ANKDD1A: variants seen among roughly 807,000 people sequenced by gnomAD.
ANKDD1A encodes the protein ankyrin repeat and death domain containing 1A, also known as ankyrin repeat and death domain-containing protein 1A.
ANKDD1A carries 59 observed loss-of-function variants against 63.5 expected under a neutral mutation model. The ratio of observed to expected loss-of-function variants is 0.93; its 90% CI spans 0.75 to 1.15. The LOEUF (loss-of-function observed/expected upper bound fraction) is 1.15. ANKDD1A is among the 50% of genes most tolerant of loss of function. ANKDD1A has a pLI of 0.00. For synonymous variants in ANKDD1A, 266 were observed against 263.9 expected (o/e 1.01, Z -0.08); for missense variants, 632 against 656.4 (o/e 0.96, Z 0.41).
chr15:64,951,773 CT>C (rs2085286839), intron 14 of ANKDD1A, among the ~76,000 whole-genome samples: 1 of 125,744 alleles, frequency 8.0e-6, no homozygotes. Flanking sequence ...TTTTCTTCTT[CT>C]TTCCTTTCTT....
At chr15:64,952,716 TTC>T (rs554498623) in intron 14 of ANKDD1A, among the ~76,000 whole-genome samples, 4 of 140,914 alleles carry the variant, frequency 2.8e-5, no homozygotes, top group South Asian at 2.1e-4. Context: ...TTCTCCTTTC[TTC>T]TTTCTTCTTC....
intron 3 of ANKDD1A, among the ~76,000 whole-genome samples, chr15:64,920,214 C>T (rs1338498813): frequency 6.6e-6 from 1 of 152,120 alleles, no homozygotes; most frequent in South Asian, 2.1e-4. Flanking sequence ...CCTGGGGTTG[C>T]TCTTCACAGA....
intron 14 of ANKDD1A, among the ~76,000 whole-genome samples, chr15:64,954,177 T>C (rs1378876215): frequency 1.5e-5 from 1 of 65,056 alleles, no homozygotes; most frequent in African/African-American, 3.2e-5. Context: ...TTTCTTTTCT[T>C]CTTCTTCTCC....
intron 3 of ANKDD1A, 66 bp downstream of exon 3, chr15:64,917,580 G>C: frequency 6.6e-7 from 1 of 1,510,174 alleles, no homozygotes; most frequent in South Asian, 1.2e-5. Context: ...CTGGGTCTAT[G>C]AGCCAGTTGC....
chr15:64,953,262 T>C (rs1031155776), intron 14 of ANKDD1A, among the ~76,000 whole-genome samples: 11 of 150,750 alleles, frequency 7.3e-5, no homozygotes, highest in African/African-American at 2.4e-4. Context: ...TTCTTCTTCT[T>C]AGTTCTTCCT....
In ANKDD1A at chr15:64,942,562, C is replaced by T. The variant is rs1475187188; in HGVS notation, c.963C>T (p.Asp321=). ...CCGACAGTGACGTGAATGCCGTGGA[C>T]AATGTAAGTGGCTACAGAGACCTTC... ...INSDSDVNAV[D]NRQQTPLHLA... Residue 321 remains aspartate, a synonymous_variant, in exon 10 of 15, where the codon GAC becomes GAT. Transcript: ENST00000319580. The T allele has an allele frequency of 4.3e-6, 7 of 1,612,180 alleles. No homozygotes were observed. Among genetic ancestry groups the T allele is most frequent in the Non-Finnish European group, 5.9e-6 (7 of 1,178,952 alleles).
chr15:64,953,071 TTC>T (rs901050301), intron 14 of ANKDD1A, among the ~76,000 whole-genome samples: 2 of 147,334 alleles, frequency 1.4e-5, no homozygotes, highest in East Asian at 4.0e-4. Context: ...TCCTCTTTCC[TTC>T]TTTCTTCTTC....
chr15:64,920,286 AGGGACTCTG>A (rs1201434327), intron 3 of ANKDD1A, among the ~76,000 whole-genome samples: 2 of 152,144 alleles, frequency 1.3e-5, no homozygotes, highest in Non-Finnish European at 2.9e-5. Flanking sequence ...AGGTCAGTGA[AGGGACTCTG>A]GGGACCCTGG....
In ANKDD1A at chr15:64,938,554, T is replaced by C. The variant is rs539067642; in HGVS notation, c.868-3913T>C. 5.3e-5 allele frequency among the ~76,000 whole-genome samples: 8 copies of C among 152,128 alleles called. 1 individual carries two copies. The highest frequency in any genetic ancestry group is 1.7e-4 in the African/African-American group (7 of 41,492). On this transcript the variant is annotated intron_variant, in intron 9 of 14. Coordinates refer to ENST00000319580, the MANE Select transcript of ANKDD1A (RefSeq NM_182703.6). ...AAAATGTCAAGGTCATGAAAAACAA[T>C]GAAAGTCTGAGAAACCAGCACAGCC...
At position 64,920,284 on chromosome 15, in the gene ANKDD1A, G is replaced by A. The variant is rs576553413; in HGVS notation, c.268-1637G>A. Among the ~76,000 whole-genome samples, 47 of 152,284 alleles carry A rather than the reference G, an allele frequency of 3.1e-4. 1 individual carries two copies. The highest frequency in any genetic ancestry group is 6.8e-3 in the Middle Eastern group (2 of 294). On this transcript the variant is annotated intron_variant, in intron 3 of 14. Transcript: ENST00000319580. ...GAACCCTACTGCAGTGGAGGTCAGT[G>A]AAGGGACTCTGGGGACCCTGGAGCA...
intron 9 of ANKDD1A, among the ~76,000 whole-genome samples, chr15:64,938,651 A>T (rs1330205561): frequency 6.6e-6 from 1 of 152,206 alleles, no homozygotes; most frequent in Non-Finnish European, 1.5e-5. Context: ...AACAGAAAGG[A>T]TATTCGGTAG....
intron 14 of ANKDD1A, among the ~76,000 whole-genome samples, chr15:64,951,587 T>TC (rs2085279119): frequency 4.5e-4 from 46 of 101,194 alleles, no homozygotes; most frequent in African/African-American, 6.6e-4. Context: ...TTCTTCTTCC[T>TC]TTTCTTTCTT....
chr15:64,951,717 C>CG, intron 14 of ANKDD1A, among the ~76,000 whole-genome samples: 1 of 68,000 alleles, frequency 1.5e-5, no homozygotes, highest in Non-Finnish European at 3.3e-5. Context: ...TTTTCTTTTT[C>CG]TTCCCTTTTC....
At chr15:64,953,568 T>TCTC (rs2085347439) in intron 14 of ANKDD1A, among the ~76,000 whole-genome samples, 4 of 145,250 alleles carry the variant, frequency 2.8e-5, no homozygotes, top group Admixed American at 2.0e-4. Context: ...TCTTCCTCCT[T>TCTC]CTTCTTAGTT....
intron 14 of ANKDD1A, among the ~76,000 whole-genome samples, chr15:64,956,557 C>A (rs2085418709): frequency 2.2e-5 from 1 of 45,764 alleles, no homozygotes; most frequent in African/African-American, 4.9e-5. Context: ...TGTCTCAAAA[C>A]AAACAAACAA....
chr15:64,953,654 T>TTCC (rs2140391287), intron 14 of ANKDD1A, among the ~76,000 whole-genome samples: 1 of 18,020 alleles, frequency 5.5e-5, no homozygotes, highest in African/African-American at 8.2e-5. Flanking sequence ...TTCCTTCTCC[T>TTCC]TCTTTTCTTT....
chr15:64,942,965 C>A (rs550859642), intron 10 of ANKDD1A, among the ~76,000 whole-genome samples: 11 of 152,310 alleles, frequency 7.2e-5, no homozygotes, highest in Admixed American at 1.3e-4. Context: ...CCACAATCTA[C>A]CCACCAACCA....
intron 4 of ANKDD1A, among the ~76,000 whole-genome samples, chr15:64,924,587 T>A (rs11630459): frequency 0.27 from 41,128 of 152,284 alleles, 6,990 homozygotes; most frequent in South Asian, 0.42. Flanking sequence ...GCTGTTTATG[T>A]AGCTCTACCT....
At chr15:64,945,605 A>AATTTATATATATATAT (rs2085215731) in intron 12 of ANKDD1A, among the ~76,000 whole-genome samples, 1 of 3,818 alleles carries the variant, frequency 2.6e-4, no homozygotes, top group African/African-American at 7.4e-4. Context: ...ATGCATTTTC[A>AATTTATATATATATAT]ACATATATAT....
Sources: gnomAD v4.1 joint callset for allele counts (sites outside exome capture counted in the v4.1 genomes callset) on GRCh38, gnomAD v4.1.1 for gene constraint, MANE v1.5 for transcripts, NCBI Gene and HGNC (gene_info 2026-07-23, HGNC 2026-07-21) for gene names.